Variants in SPTA1 observed in about 807,000 individuals in gnomAD.
The protein encoded by SPTA1 is spectrin alpha chain, erythrocytic 1.
In SPTA1, 177 loss-of-function variants were observed where a neutral mutation model predicts 324.7. The observed-to-expected ratio is 0.55, with a 90% CI of 0.48 to 0.62. The LOEUF is 0.62. Among genes scored for constraint, SPTA1 ranks in the 20% least tolerant of loss-of-function variants. The probability of loss-of-function intolerance (pLI) is 0.00; values close to 1 mark genes in which losing one functional copy is unlikely to be tolerated. For synonymous variants in SPTA1, 1,195 were observed against 1,041.3 expected (o/e 1.15, Z -2.84); for missense variants, 3,162 against 2,883.6 (o/e 1.10, Z -2.21).
At chr1:158,655,473 G>T (rs866631424) in intron 20 of SPTA1, among the ~76,000 whole-genome samples, 6 of 152,006 alleles carry the variant, frequency 3.9e-5, no homozygotes, top group South Asian at 4.2e-4. Context: ...CACCTCCACC[G>T]ACAGAGCCCT....
At chr1:158,671,704 C>A (rs975592649) in intron 11 of SPTA1, among the ~76,000 whole-genome samples, 1 of 152,146 alleles carries the variant, frequency 6.6e-6, no homozygotes, top group Non-Finnish European at 1.5e-5. Flanking sequence ...AGACATTATT[C>A]TGAGCTCTCA....
Position 158,674,320 on chromosome 1 carries a change from C to A in SPTA1, c.1350+9G>T. On this transcript the variant is annotated intron_variant, in intron 10 of 51. Coordinates refer to ENST00000643759, the MANE Select transcript of SPTA1 (RefSeq NM_003126.4). ...TTGGAATTTGACAAACTCTGTTAAACTAGATTACCTTTTCCCGAACTTCAT... is the reference window on the plus strand; with the variant it reads ...TTGGAATTTGACAAACTCTGTTAAAATAGATTACCTTTTCCCGAACTTCAT... 1 of 1,613,390 alleles carries A rather than the reference C, an allele frequency of 6.2e-7. No homozygotes were observed. The highest frequency in any genetic ancestry group is 8.5e-7 in the Non-Finnish European group (1 of 1,179,358).
At chr1:158,656,500 A>G in intron 20 of SPTA1, 64 bp downstream of exon 20, 1 of 1,465,082 alleles carries the variant, frequency 6.8e-7, no homozygotes, top group Non-Finnish European at 9.5e-7. Context: ...AATCAGCAAT[A>G]AAGACAATTT....
At chr1:158,656,681 C>T in intron 19 of SPTA1, 25 bp from the exon 20 acceptor site, 1 of 1,585,142 alleles carries the variant, frequency 6.3e-7, no homozygotes, top group Non-Finnish European at 8.7e-7. Flanking sequence ...GGAAGATCAT[C>T]AGAATGAATA....
At chr1:158,634,709 G>A in intron 38 of SPTA1, 34 bp from the exon 39 acceptor site, 1 of 1,613,508 alleles carries the variant, frequency 6.2e-7, no homozygotes, top group Non-Finnish European at 8.5e-7. Flanking sequence ...GTGAGGATAA[G>A]AACAAACTGG....
chr1:158,633,044 T>C (rs1171978518), intron 39 of SPTA1, among the ~76,000 whole-genome samples: 1 of 152,198 alleles, frequency 6.6e-6, no homozygotes. Flanking sequence ...CACCAGAGTA[T>C]GGTGCTGAGT....
chr1:158,666,617 A>G, intron 15 of SPTA1, 120 bp from the exon 16 acceptor site: 3 of 904,570 alleles, frequency 3.3e-6, no homozygotes, highest in Admixed American at 2.1e-5. Context: ...AGAGGGAAAT[A>G]TAACTGTCTC....
chr1:158,678,516 G>A lies in SPTA1; in HGVS notation c.697C>T (p.Pro233Ser). The A allele has an allele frequency of 3.1e-6, 5 of 1,613,546 alleles. No individual in the cohort carries two copies. The highest frequency in any genetic ancestry group is 4.2e-6 in the Non-Finnish European group (5 of 1,179,700). Residue 233 changes from proline to serine, a missense_variant, in exon 6 of 52, where the codon CCC becomes TCC. Physicochemically the swap from Pro to Ser is moderately conservative, Grantham distance 74. Coordinates refer to ENST00000643759, the MANE Select transcript of SPTA1 (RefSeq NM_003126.4). ...ECAEENHPDL[P>S]LIQSKQNEVN... Reference sequence around the variant, plus strand: ...TCATTTTGCTTAGACTGAATTAAGGGTAGGTCAGGATGGTTTTCCTGTTGA... The same window carrying A: ...TCATTTTGCTTAGACTGAATTAAGGATAGGTCAGGATGGTTTTCCTGTTGA...
At chr1:158,668,164 A>T (rs1653749609) in intron 14 of SPTA1, 102 bp from the exon 15 acceptor site, 1 of 1,282,340 alleles carries the variant, frequency 7.8e-7, no homozygotes, top group Admixed American at 1.9e-5. Context: ...CTAACGAACG[A>T]TGCTAACAAG....
rs1339591410 is a variant in SPTA1, at chr1:158,612,405, CAG to C, written c.7134+410_7134+411del. ...ATTCCCCACATCTTTGTTCCCATGA[CAG>C]ATGTGTTTGCTTCTGTTACAGTGTT... On this transcript the variant is annotated intron_variant, in intron 51 of 51. Coordinates refer to ENST00000643759, the MANE Select transcript of SPTA1 (RefSeq NM_003126.4). 1.2e-5 allele frequency: 3 copies of C among 255,512 alleles called. No individual in the cohort carries two copies. The East Asian group carries it at 3.1e-4, about 27-fold the overall frequency. The allele number at this position is 255,512 out of a possible 1,614,324, so 15.8% of individuals were successfully genotyped here. A position where few individuals can be genotyped will look rare whatever the true frequency, so the allele number is the denominator to read the frequency against.
intron 4 of SPTA1, 74 bp downstream of exon 4, chr1:158,681,453 G>T: frequency 1.2e-6 from 2 of 1,604,468 alleles, no homozygotes; most frequent in Non-Finnish European, 1.7e-6. Flanking sequence ...TGAGTAGTCT[G>T]CAGTAATTTG....
rs1649487210 is a variant in SPTA1, at chr1:158,615,311, G to T, written c.6693C>A (p.Ile2231=). The T allele has an allele frequency of 6.2e-7, 1 of 1,613,940 alleles. No homozygotes were observed. The highest frequency in any genetic ancestry group is 8.5e-7 in the Non-Finnish European group (1 of 1,180,028). ...DNLEDALILD[I]KYSTIGLAQQ... Reference sequence around the variant, plus strand: ...GAGCCAATCCAATGGTGCTGTATTTGATATCAAGGATCAGAGCGTCTTCCA... The same window carrying T: ...GAGCCAATCCAATGGTGCTGTATTTTATATCAAGGATCAGAGCGTCTTCCA... The change falls in exon 48 of 52, where the codon ATC becomes ATA. Residue 2231 remains isoleucine (I), a synonymous_variant. Coordinates refer to ENST00000643759, the MANE Select transcript of SPTA1 (RefSeq NM_003126.4).
chr1:158,619,415 T>G (rs1015682404), intron 44 of SPTA1, 81 bp from the exon 45 acceptor site: 2 of 1,332,078 alleles, frequency 1.5e-6, no homozygotes, highest in Non-Finnish European at 2.2e-6. Flanking sequence ...TAGGCTTAAC[T>G]GCATATCTTT....
intron 43 of SPTA1, 187 bp from the exon 44 acceptor site, chr1:158,620,653 C>T (rs1649848837): frequency 1.6e-6 from 1 of 626,142 alleles, no homozygotes; most frequent in Non-Finnish European, 2.7e-6. Context: ...GGTACGAGCC[C>T]TGGTTCTGGC....
At position 158,662,710 on chromosome 1, in the gene SPTA1, G is replaced by T. The variant is rs759701834; in HGVS notation, c.2456C>A (p.Thr819Asn). Reference protein sequence around the residue: ...IQETEPSATSTYLGKDLIASK... With the variant: ...IQETEPSATSNYLGKDLIASK... ...GCTCAGGCTGTACTAACCAAGGTAG[G>T]TGGAAGTAGCTGAGGGTTCAGTCTC... Residue 819 changes from threonine (T) to asparagine (N), a missense_variant, in exon 17 of 52, where the codon ACC (threonine) becomes AAC (asparagine). Thr to Asn is a moderately conservative substitution (Grantham distance 65). Coordinates refer to ENST00000643759, the MANE Select transcript of SPTA1 (RefSeq NM_003126.4). The T allele has an allele frequency of 1.2e-6, 2 of 1,613,782 alleles. No individual in the cohort carries two copies. Among genetic ancestry groups the T allele is most frequent in the African/African-American group, 2.7e-5 (2 of 74,870 alleles).
intron 39 of SPTA1, among the ~76,000 whole-genome samples, chr1:158,629,567 A>G (rs1204304693): frequency 6.6e-6 from 1 of 152,114 alleles, no homozygotes; most frequent in Non-Finnish European, 1.5e-5. Flanking sequence ...AAAAGCCCAC[A>G]GCTAACATCA....
chr1:158,677,976 A>C (rs1654515682), intron 6 of SPTA1, 142 bp from the exon 7 acceptor site: 1 of 1,052,324 alleles, frequency 9.5e-7, no homozygotes, highest in Non-Finnish European at 1.4e-6. Flanking sequence ...AAAAAGTAAT[A>C]TAAAATGTTC....
chr1:158,647,072 C>G (rs1483266039), intron 27 of SPTA1, among the ~76,000 whole-genome samples: 1 of 152,012 alleles, frequency 6.6e-6, no homozygotes, highest in African/African-American at 2.4e-5. Flanking sequence ...TTTTTTTGCA[C>G]AGTTCAGTCT....
At chr1:158,631,434 A>G (rs766572524) in intron 39 of SPTA1, among the ~76,000 whole-genome samples, 1 of 152,130 alleles carries the variant, frequency 6.6e-6, no homozygotes, top group Non-Finnish European at 1.5e-5. Flanking sequence ...AAATGATACA[A>G]TGGACTTAGA....
Sources: gnomAD v4.1 joint callset for allele counts (sites outside exome capture counted in the v4.1 genomes callset) on GRCh38, gnomAD v4.1.1 for gene constraint, MANE v1.5 for transcripts, NCBI Gene and HGNC (gene_info 2026-07-23, HGNC 2026-07-21) for gene names.